The following CDH2 variants were observed in gnomAD, a reference collection of about 807,000 sequenced individuals.
The protein encoded by CDH2 is cadherin-2.
CDH2 carries 17 observed loss-of-function variants against 92.0 expected under a neutral mutation model. The ratio of observed to expected loss-of-function variants is 0.18; its 90% CI spans 0.13 to 0.28. The LOEUF (loss-of-function observed/expected upper bound fraction) is 0.28. CDH2 is among the 10% of genes least tolerant of loss of function. The pLI is 1.00. For missense variants in CDH2, 862 were observed against 1,133.1 expected (o/e 0.76, Z 3.44); for synonymous variants, 419 against 415.9 (o/e 1.01, Z -0.09).
rs71171658 is a variant in CDH2, at chr18:28,043,493, T to TAA, written c.173-29586_173-29585dup. On this transcript the variant is annotated intron_variant, in intron 2 of 15. Coordinates refer to ENST00000269141, the MANE Select transcript of CDH2 (RefSeq NM_001792.5). Reference sequence around the variant, plus strand: ...ATATATATATATATATATATATATATAAATATATATATATATATATATAAA... The same window carrying TAA: ...ATATATATATATATATATATATATATAAAAATATATATATATATATATATAAA... Among the ~76,000 whole-genome samples the TAA allele has an allele frequency of 4.1e-4, 29 of 69,958 alleles. 1 individual carries two copies. The East Asian group carries it at 0.011, about 28-fold the overall frequency. 45.9% of individuals were successfully genotyped at this position (69,958 alleles called of 152,430 possible).
intron 14 of CDH2, among the ~76,000 whole-genome samples, chr18:27,969,606 C>G (rs1422464303): frequency 6.6e-6 from 1 of 152,198 alleles, no homozygotes; most frequent in Non-Finnish European, 1.5e-5. Context: ...TCCACAAATT[C>G]TTTCATAAGA....
chr18:28,016,063 T>A (rs1429009102), intron 2 of CDH2, among the ~76,000 whole-genome samples: 1 of 152,140 alleles, frequency 6.6e-6, no homozygotes, highest in Non-Finnish European at 1.5e-5. Flanking sequence ...GGGGGAAGAG[T>A]CGACCATGAT....
At chr18:28,132,083 C>T (rs2015781433) in intron 2 of CDH2, among the ~76,000 whole-genome samples, 1 of 152,176 alleles carries the variant, frequency 6.6e-6, no homozygotes, top group Non-Finnish European at 1.5e-5. Context: ...CAAAAAGAAA[C>T]ACCTTTTATT....
chr18:28,092,938 A>G (rs1373004310), intron 2 of CDH2, among the ~76,000 whole-genome samples: 1 of 152,166 alleles, frequency 6.6e-6, no homozygotes, highest in Non-Finnish European at 1.5e-5. Flanking sequence ...AAGGCAAACA[A>G]TGATTTTGAA....
At position 28,130,557 on chromosome 18, in the gene CDH2, T is replaced by C. The variant is rs188766401; in HGVS notation, c.172+17116A>G. On this transcript the variant is annotated intron_variant, in intron 2 of 15. Coordinates refer to ENST00000269141, the MANE Select transcript of CDH2 (RefSeq NM_001792.5). The stretch of plus-strand genomic sequence containing the variant: ...CAAATCAGAGACACCTGTGAAACCA[T>C]GGCACCAAGCCTAGCTGAGATGCAG... Among the ~76,000 whole-genome samples, 645 of 152,320 alleles carry C rather than the reference T, an allele frequency of 4.2e-3. 2 individuals carry two copies. Among genetic ancestry groups the C allele is most frequent in the Non-Finnish European group, 6.6e-3 (447 of 68,034 alleles).
rs996064559 is a variant in CDH2, at chr18:28,027,277, G to A, written c.173-13368C>T. The stretch of plus-strand genomic sequence containing the variant: ...ATTAGGACAAAAGGTCTATAAAAAT[G>A]AAATAAATCAGAATCAAACTTGTTG... On this transcript the variant is annotated intron_variant, in intron 2 of 15. Transcript: ENST00000269141. 4.6e-5 allele frequency among the ~76,000 whole-genome samples: 7 copies of A among 151,716 alleles called. No individual in the cohort carries two copies. The South Asian group carries it at 1.2e-3, about 27-fold the overall frequency.
rs905551288 is a variant in CDH2, at chr18:27,951,923, C to T, written c.*230G>A. 7.8e-6 allele frequency: 4 copies of T among 513,756 alleles called. No individual in the cohort carries two copies. The highest frequency in any genetic ancestry group is 1.4e-5 in the Non-Finnish European group (4 of 286,576). 31.8% of individuals were successfully genotyped at this position (513,756 alleles called of 1,614,324 possible). ...AAGGTACAAAAAGGCACATAAAATC[C>T]CAGTGCTTCTGTACTGTAAAATTCA... On this transcript the variant is annotated 3_prime_UTR_variant, in exon 16 of 16. Transcript: ENST00000269141.
intron 1 of CDH2, among the ~76,000 whole-genome samples, chr18:28,164,228 C>G (rs988891798): frequency 1.3e-5 from 2 of 152,200 alleles, no homozygotes; most frequent in African/African-American, 4.8e-5. Flanking sequence ...GCCCTGACAT[C>G]AGGCTACTTG....
In CDH2 at chr18:27,990,138, G is replaced by A. The variant is rs1046578426; in HGVS notation, c.1557C>T (p.Phe519=). Residue 519 remains phenylalanine, a synonymous_variant, in exon 10 of 16, where the codon TTC becomes TTT. Coordinates refer to ENST00000269141, the MANE Select transcript of CDH2 (RefSeq NM_001792.5). ...GLHAGTMLTT[F]TAQDPDRYMQ... ...TATATCGATCTGGGTCCTGAGCAGT[G>A]AATGTTGTCAACATGGTACCGGCAT... The A allele has an allele frequency of 6.2e-7, 1 of 1,613,890 alleles. No homozygotes were observed. The highest frequency in any genetic ancestry group is 8.5e-7 in the Non-Finnish European group (1 of 1,179,904).
At chr18:28,089,641 T>C (rs2015000833) in intron 2 of CDH2, among the ~76,000 whole-genome samples, 1 of 152,220 alleles carries the variant, frequency 6.6e-6, no homozygotes, top group Non-Finnish European at 1.5e-5. Context: ...CCAATAATCT[T>C]TTCTAAAGCA....
At chr18:28,130,790 G>A (rs1241865954) in intron 2 of CDH2, among the ~76,000 whole-genome samples, 1 of 152,188 alleles carries the variant, frequency 6.6e-6, no homozygotes, top group Non-Finnish European at 1.5e-5. Context: ...TAGACTGTCA[G>A]AGCAATAACC....
intron 6 of CDH2, among the ~76,000 whole-genome samples, chr18:28,003,810 GA>G (rs1454911655): frequency 6.6e-6 from 1 of 152,198 alleles, no homozygotes; most frequent in Admixed American, 6.6e-5. Context: ...TTTTGGAAAA[GA>G]AATCTTCAAA....
At chr18:27,935,955 C>T (rs908789535) in intron 6 of CDH2, among the ~76,000 whole-genome samples, 1 of 152,180 alleles carries the variant, frequency 6.6e-6, no homozygotes, top group Non-Finnish European at 1.5e-5. Context: ...AAAACTTGCA[C>T]TCATTGATTT....
rs578009764 is a variant in CDH2 at position 28,063,187 on chromosome 18, GA to G, written c.173-49279del. ...ATTTGTTGCATTAAAAACTATTTGG[GA>G]AAAAAAATTATTATGGGACAAAAGA... On this transcript the variant is annotated intron_variant, in intron 2 of 15. Transcript: ENST00000269141. Among the ~76,000 whole-genome samples, 264 of 151,912 alleles carry G rather than the reference GA, an allele frequency of 1.7e-3. 1 individual carries two copies. The highest frequency in any genetic ancestry group is 4.1e-3 in the African/African-American group (169 of 41,436).
rs1270313904 is a variant in CDH2, at chr18:27,985,014, A to C, written c.2195T>G (p.Ile732Ser). The change falls in exon 13 of 16, where the codon ATC becomes AGC. Residue 732 changes from isoleucine (I) to serine (S), a missense_variant. This residue lies in a region of CDH2 where 564 missense variants were observed against 722.2 expected (regional missense o/e 0.78). Transcript: ENST00000269141. Reference protein sequence around the residue: ...TGAIIAILLCIIILLILVLMF... With the variant: ...TGAIIAILLCSIILLILVLMF... ...AAAGTACTCACTAAGCAGGATGATGATGCAGAGCAGGATGGCAATGATGGC... is the reference window on the plus strand; with the variant it reads ...AAAGTACTCACTAAGCAGGATGATGCTGCAGAGCAGGATGGCAATGATGGC... The C allele has an allele frequency of 1.2e-6, 2 of 1,612,808 alleles. No individual in the cohort carries two copies. The highest frequency in any genetic ancestry group is 2.7e-5 in the African/African-American group (2 of 74,928).
At chr18:28,043,637 T>G (rs1412933479) in intron 2 of CDH2, among the ~76,000 whole-genome samples, 6 of 150,552 alleles carry the variant, frequency 4.0e-5, no homozygotes, top group Admixed American at 2.0e-4. Context: ...CTCCAAACTT[T>G]ATGGTTTTTC....
At chr18:28,017,913 G>A (rs1029905666) in intron 2 of CDH2, among the ~76,000 whole-genome samples, 5 of 151,948 alleles carry the variant, frequency 3.3e-5, no homozygotes, top group African/African-American at 4.8e-5. Flanking sequence ...AGTCCTAGCC[G>A]GAGCAATCAG....
downstream of CDH2, among the ~76,000 whole-genome samples, chr18:27,947,780 T>TGTG (rs1555626724): frequency 1.6e-3 from 4 of 2,550 alleles, no homozygotes; most frequent in African/African-American, 1.8e-3. Flanking sequence ...GATATAAGTA[T>TGTG]ATGTGATATA....
intron 2 of CDH2, among the ~76,000 whole-genome samples, chr18:28,064,801 T>C (rs2014475701): frequency 1.3e-5 from 2 of 152,138 alleles, no homozygotes; most frequent in Non-Finnish European, 2.9e-5. Flanking sequence ...GGAGATCTCT[T>C]GAGAAAATTT....
Sources: allele counts gnomAD v4.1 joint callset (sites outside exome capture counted in the v4.1 genomes callset), GRCh38; gene constraint gnomAD v4.1.1; regional missense constraint gnomAD v4.1.1; transcripts MANE v1.5; gene names NCBI Gene and HGNC (gene_info 2026-07-23, HGNC 2026-07-21).